The following UBE3D variants were observed in gnomAD, a reference collection of about 807,000 sequenced individuals.
UBE3D encodes ubiquitin protein ligase E3D, also known as E3 ubiquitin-protein ligase E3D.
A neutral mutation model predicts 49.6 loss-of-function variants in UBE3D; 48 were observed. The observed-to-expected ratio is 0.97, with a 90% CI of 0.77 to 1.23. UBE3D has a LOEUF of 1.23. Ranked by LOEUF, UBE3D falls within the 50% of genes most tolerant of loss-of-function variation. The pLI, the probability that UBE3D is intolerant of heterozygous loss-of-function variation, is 0.00. For missense variants in UBE3D, 452 were observed against 468.4 expected (o/e 0.96, Z 0.32); for synonymous variants, 189 against 174.2 (o/e 1.08, Z -0.67).
At chr6:83,063,998 G>A (rs1026300324) in intron 1 of UBE3D, among the ~76,000 whole-genome samples, 2 of 152,044 alleles carry the variant, frequency 1.3e-5, no homozygotes, top group African/African-American at 4.8e-5. Context: ...TCCAGCAATA[G>A]GAGAACAGAT....
chr6:82,933,124 A>G (rs1326645668), intron 9 of UBE3D, among the ~76,000 whole-genome samples: 1 of 152,154 alleles, frequency 6.6e-6, no homozygotes. Context: ...AACACTGATA[A>G]AAGGCATCAC....
At chr6:83,050,014 G>A (rs1356104162) in intron 3 of UBE3D, among the ~76,000 whole-genome samples, 1 of 151,986 alleles carries the variant, frequency 6.6e-6, no homozygotes, top group Non-Finnish European at 1.5e-5. Flanking sequence ...TGCTAATCTG[G>A]TAAAATGTAA....
At chr6:83,021,104 C>G (rs1781059197) in intron 7 of UBE3D, among the ~76,000 whole-genome samples, 1 of 152,100 alleles carries the variant, frequency 6.6e-6, no homozygotes, top group Admixed American at 6.6e-5. Flanking sequence ...GCCACTGTTT[C>G]TCAAATATCA....
chr6:82,886,227 G>C, the UBE3D span, among the ~76,000 whole-genome samples: 2 of 152,306 alleles, frequency 1.3e-5, no homozygotes, highest in East Asian at 3.9e-4. Flanking sequence ...CCAGGGACTG[G>C]TTTTGTGGAA....
chr6:82,965,176 G>A (rs73749487), intron 8 of UBE3D, among the ~76,000 whole-genome samples: 5,132 of 152,224 alleles, frequency 0.034, 141 homozygotes, highest in East Asian at 0.093. Context: ...CAATAAGGCA[G>A]TCTCAAAATT....
chr6:82,924,328 G>A (rs1187530126), intron 9 of UBE3D, among the ~76,000 whole-genome samples: 2 of 152,052 alleles, frequency 1.3e-5, no homozygotes, highest in East Asian at 3.8e-4. Flanking sequence ...GAATAATTAG[G>A]TAAAATGTCA....
chr6:82,900,836 T>C (rs1046440143), intron 9 of UBE3D, among the ~76,000 whole-genome samples: 1 of 152,008 alleles, frequency 6.6e-6, no homozygotes, highest in African/African-American at 2.4e-5. Context: ...CATACCTGCC[T>C]TTGAAAACCA....
At chr6:82,908,282 G>A (rs1462803781) in intron 9 of UBE3D, among the ~76,000 whole-genome samples, 2 of 152,140 alleles carry the variant, frequency 1.3e-5, no homozygotes, top group Non-Finnish European at 1.5e-5. Flanking sequence ...TGTATTAGTG[G>A]TTCTCAACCA....
chr6:82,945,766 A>G (rs552326729), intron 9 of UBE3D, among the ~76,000 whole-genome samples: 1 of 152,338 alleles, frequency 6.6e-6, no homozygotes, highest in South Asian at 2.1e-4. Flanking sequence ...GAGATTTAAG[A>G]TAACACAGAG....
intron 8 of UBE3D, among the ~76,000 whole-genome samples, chr6:82,983,548 A>ATT (rs11377650): frequency 9.2e-5 from 14 of 151,518 alleles, no homozygotes; most frequent in Admixed American, 5.9e-4. Context: ...AAAAGTAGTA[A>ATT]TTTTTTTTTA....
At chr6:82,948,558 T>C (rs28890614) in intron 9 of UBE3D, among the ~76,000 whole-genome samples, 1 of 151,656 alleles carries the variant, frequency 6.6e-6, no homozygotes, top group Non-Finnish European at 1.5e-5. Context: ...AAAGACACAT[T>C]AAAAAAAGAA....
At chr6:82,884,488 A>T in the UBE3D span, among the ~76,000 whole-genome samples, 2 of 152,272 alleles carry the variant, frequency 1.3e-5, no homozygotes, top group African/African-American at 4.8e-5. Flanking sequence ...TTCAATAGTA[A>T]GTGAGGATAA....
chr6:83,034,015 T>G (rs1038881209), intron 5 of UBE3D, among the ~76,000 whole-genome samples: 1 of 152,238 alleles, frequency 6.6e-6, no homozygotes, highest in Admixed American at 6.5e-5. Flanking sequence ...ATAGTAGCAG[T>G]TTTCCACTAC....
chr6:82,959,717 CAAAAAAAAAAAAAAA>C (rs778278435), intron 8 of UBE3D, among the ~76,000 whole-genome samples: 6 of 37,718 alleles, frequency 1.6e-4, no homozygotes, highest in Admixed American at 8.2e-4. Context: ...GTGAGACCTC[CAAAAAAAAAAAAAAA>C]AAAAAAAAAA....
At chr6:82,984,981 T>A (rs1309392554) in intron 8 of UBE3D, among the ~76,000 whole-genome samples, 2 of 148,988 alleles carry the variant, frequency 1.3e-5, no homozygotes, top group Admixed American at 1.3e-4. Context: ...TGACTGTTTT[T>A]AAATTTTTTT....
intron 8 of UBE3D, among the ~76,000 whole-genome samples, chr6:82,968,642 C>G (rs1777121803): frequency 6.6e-6 from 1 of 152,020 alleles, no homozygotes; most frequent in East Asian, 1.9e-4. Context: ...AAGTCTGTGC[C>G]AATTCACATT....
intron 9 of UBE3D, among the ~76,000 whole-genome samples, chr6:82,895,585 G>A (rs1771259545): frequency 6.6e-6 from 1 of 152,156 alleles, no homozygotes; most frequent in Non-Finnish European, 1.5e-5. Context: ...GGATGTACAT[G>A]AAATTTGTAA....
chr6:83,054,015 CA>C (rs1222450062), intron 3 of UBE3D, 132 bp downstream of exon 3: 1 of 705,442 alleles, frequency 1.4e-6, no homozygotes, highest in South Asian at 1.8e-5. Flanking sequence ...TAATTTTGTT[CA>C]AAGTGACATT....
chr6:82,913,345 C>T (rs1011435011), intron 9 of UBE3D, among the ~76,000 whole-genome samples: 4 of 152,162 alleles, frequency 2.6e-5, no homozygotes, highest in African/African-American at 7.2e-5. Context: ...GAAATGACTG[C>T]TCCAGGCAAA....
Sources: allele counts gnomAD v4.1 joint callset (sites outside exome capture counted in the v4.1 genomes callset), GRCh38; gene constraint gnomAD v4.1.1; transcripts MANE v1.5; gene names NCBI Gene and HGNC (gene_info 2026-07-23, HGNC 2026-07-21).